Variants in DGUOK observed in about 807,000 individuals in gnomAD.
DGUOK encodes deoxyguanosine kinase, mitochondrial.
Under a neutral mutation model 36.6 loss-of-function variants are expected in DGUOK, and 30 were observed. The observed-to-expected ratio is 0.82, with a 90% CI of 0.61 to 1.11. The LOEUF is 1.11. DGUOK is among the 50% of genes most tolerant of loss of function. The pLI is 0.00. For synonymous variants in DGUOK, 145 were observed against 126.3 expected, an observed-to-expected ratio of 1.15 and a Z score of -0.99; for missense variants, 361 against 336.4, an observed-to-expected ratio of 1.07 and a Z score of -0.57.
chr2:73,949,591 C>A (rs1454174753), intron 3 of DGUOK, among the ~76,000 whole-genome samples: 1 of 152,172 alleles, frequency 6.6e-6, no homozygotes, highest in Non-Finnish European at 1.5e-5. Flanking sequence ...GTATCAGACC[C>A]TGAAATGTTA....
chr2:73,941,079 T>A (rs2244751), intron 2 of DGUOK, among the ~76,000 whole-genome samples: 77,825 of 152,050 alleles, frequency 0.51, 22,554 homozygotes, highest in Non-Finnish European at 0.63. Flanking sequence ...CTAGGGTAGG[T>A]CATAAGAGAC....
At chr2:73,938,777 G>A in intron 1 of DGUOK, 133 bp from the exon 2 acceptor site, 2 of 716,336 alleles carry the variant, frequency 2.8e-6, no homozygotes. Flanking sequence ...CAATGGTACG[G>A]CTGCTGAGTT....
intron 4 of DGUOK, among the ~76,000 whole-genome samples, chr2:73,956,331 A>G (rs996398974): frequency 1.3e-5 from 2 of 152,220 alleles, no homozygotes; most frequent in African/African-American, 4.8e-5. Context: ...TTGGTATGAC[A>G]TGAAAGAGAT....
At chr2:73,928,048 A>G (rs1302822858) in intron 1 of DGUOK, among the ~76,000 whole-genome samples, 1 of 152,240 alleles carries the variant, frequency 6.6e-6, no homozygotes, top group Non-Finnish European at 1.5e-5. Context: ...TAAACAACAT[A>G]AATTAAGCAA....
chr2:73,936,235 C>T (rs897772905), intron 1 of DGUOK, among the ~76,000 whole-genome samples: 9 of 152,198 alleles, frequency 5.9e-5, no homozygotes, highest in African/African-American at 2.2e-4. Context: ...ATAATATACA[C>T]ATTCAACCAC....
intron 2 of DGUOK, among the ~76,000 whole-genome samples, chr2:73,940,071 T>C (rs1681789052): frequency 6.6e-6 from 1 of 152,114 alleles, no homozygotes; most frequent in Admixed American, 6.5e-5. Context: ...TGGGATACTT[T>C]TTGTATCTTT....
intron 4 of DGUOK, among the ~76,000 whole-genome samples, chr2:73,953,726 T>C (rs892570703): frequency 1.4e-5 from 2 of 142,460 alleles, no homozygotes; most frequent in Non-Finnish European, 3.1e-5. Context: ...CTTCTTTTTT[T>C]TTTTTTTTTT....
chr2:73,928,639 G>T (rs1382037675), intron 1 of DGUOK, among the ~76,000 whole-genome samples: 1 of 152,206 alleles, frequency 6.6e-6, no homozygotes, highest in Admixed American at 6.5e-5. Flanking sequence ...GCAAGGATGG[G>T]AGGGAAATTA....
At chr2:73,935,976 T>G (rs1285201562) in intron 1 of DGUOK, among the ~76,000 whole-genome samples, 1 of 152,254 alleles carries the variant, frequency 6.6e-6, no homozygotes, top group Non-Finnish European at 1.5e-5. Flanking sequence ...GCCCTTCCTT[T>G]CCATCTGCAA....
chr2:73,926,889 C>T lies in DGUOK; in HGVS notation c.-22C>T, dbSNP rs866656831. 3.7e-6 allele frequency: 6 copies of T among 1,613,018 alleles called. No homozygotes were observed. The highest frequency in any genetic ancestry group is 1.6e-4 in the Middle Eastern group (1 of 6,084). On this transcript the variant is annotated 5_prime_UTR_variant, in exon 1 of 7. Transcript: ENST00000264093. ...CGGAAGTGCTCTCGGCGGAAGTGAT[C>T]GCTGTGTGAATCGTGGGTGGGATGG... is the stretch of plus-strand genomic sequence containing the variant.
rs1050768690 is a variant in DGUOK, at chr2:73,946,589, A to T, written c.256-130A>T. On this transcript the variant is annotated intron_variant, in intron 2 of 6. Coordinates refer to ENST00000264093, the MANE Select transcript of DGUOK (RefSeq NM_080916.3). The stretch of plus-strand genomic sequence containing the variant: ...GATTCTACCTTTTTGGTGGAAGGAA[A>T]CTTTTGTAATTTCTTCTTTCATTGA... 3.5e-5 allele frequency: 30 copies of T among 862,342 alleles called. No individual in the cohort carries two copies. In the East Asian group the frequency reaches 7.3e-4, roughly 21 times the overall value. The allele number at this position is 862,342 out of a possible 1,614,324, so 53.4% of individuals were successfully genotyped here. A position where few individuals can be genotyped will look rare whatever the true frequency, so the allele number is the denominator to read the frequency against.
intron 3 of DGUOK, among the ~76,000 whole-genome samples, chr2:73,947,350 T>C (rs926784751): frequency 9.2e-5 from 14 of 152,282 alleles, no homozygotes; most frequent in Middle Eastern, 6.8e-3. Flanking sequence ...ATATAAGAGA[T>C]ATTTTCAGCC....
intron 1 of DGUOK, 26 bp downstream of exon 1, chr2:73,927,078 G>A: frequency 6.2e-7 from 1 of 1,604,742 alleles, no homozygotes; most frequent in Non-Finnish European, 8.5e-7. Flanking sequence ...CGGCTGCCAA[G>A]CCTTGGCCTC....
intron 1 of DGUOK, among the ~76,000 whole-genome samples, chr2:73,930,230 G>C (rs917371873): frequency 1.3e-5 from 2 of 152,204 alleles, no homozygotes; most frequent in Admixed American, 6.5e-5. Context: ...CATCAGCTAA[G>C]AGTGAATGTA....
chr2:73,956,829 T>C (rs143190614), intron 4 of DGUOK, among the ~76,000 whole-genome samples: 192 of 152,146 alleles, frequency 1.3e-3, no homozygotes, highest in African/African-American at 4.3e-3. Context: ...TTCCCAGATA[T>C]AGTAGGGAGA....
Position 73,927,009 on chromosome 2 carries a change from C to G in DGUOK, c.99C>G (p.His33Gln). The G allele has an allele frequency of 6.2e-7, 1 of 1,611,296 alleles. No homozygotes were observed. The highest frequency in any genetic ancestry group is 8.5e-7 in the Non-Finnish European group (1 of 1,180,024). Reference protein sequence around the residue: ...LEGVSSSRGLHAGRGPRRLSI... With the variant: ...LEGVSSSRGLQAGRGPRRLSI... ...GCGTTTCCTCCTCCAGAGGCCTGCA[C>G]GCGGGGCGCGGGCCCCGAAGGCTCT... The change falls in exon 1 of 7, where the codon CAC (histidine) becomes CAG (glutamine). Residue 33 changes from histidine (H) to glutamine (Q), a missense_variant. By Grantham distance (24) the His-to-Gln change is conservative. Coordinates refer to ENST00000264093, the MANE Select transcript of DGUOK (RefSeq NM_080916.3).
intron 4 of DGUOK, among the ~76,000 whole-genome samples, chr2:73,953,595 T>C (rs1470432945): frequency 6.6e-6 from 1 of 152,004 alleles, no homozygotes; most frequent in Non-Finnish European, 1.5e-5. Context: ...GTCCTGTCAC[T>C]ATGTAAAAAG....
intron 4 of DGUOK, among the ~76,000 whole-genome samples, chr2:73,953,558 G>A (rs1281259387): frequency 6.6e-6 from 1 of 151,948 alleles, no homozygotes; most frequent in Non-Finnish European, 1.5e-5. Context: ...AGGTAACTGT[G>A]CCCAAGGGAA....
rs572672425 is a variant in DGUOK, at chr2:73,927,173, C to A, written c.142+121C>A. 5.0e-4 allele frequency: 676 copies of A among 1,363,786 alleles called. 4 individuals carry two copies. In the South Asian group the frequency reaches 6.0e-3, roughly 12 times the overall value. The allele number at this position is 1,363,786 out of a possible 1,614,324, so 84.5% of individuals were successfully genotyped here. A position where few individuals can be genotyped will look rare whatever the true frequency, so the allele number is the denominator to read the frequency against. ...GCGGCCGGCCTCTTTTTCTGGGCTGCGAGGAGAGCCTTTCCCCTCGCAAAG... is the reference window on the plus strand; with the variant it reads ...GCGGCCGGCCTCTTTTTCTGGGCTGAGAGGAGAGCCTTTCCCCTCGCAAAG... On this transcript the variant is annotated intron_variant, in intron 1 of 6. Coordinates refer to ENST00000264093, the MANE Select transcript of DGUOK (RefSeq NM_080916.3).
Sources: allele counts gnomAD v4.1 joint callset (sites outside exome capture counted in the v4.1 genomes callset), GRCh38; gene constraint gnomAD v4.1.1; transcripts MANE v1.5; gene names NCBI Gene and HGNC (gene_info 2026-07-23, HGNC 2026-07-21).